The following KANSL1 variants were observed in gnomAD, a reference collection of about 807,000 sequenced individuals.
KANSL1 encodes KAT8 regulatory NSL complex subunit 1, also known as MLL1/MLL complex subunit KANSL1.
A neutral mutation model predicts 103.6 loss-of-function variants in KANSL1; 22 were observed. The observed-to-expected ratio is 0.21, with a 90% CI of 0.15 to 0.30. The LOEUF (loss-of-function observed/expected upper bound fraction) is 0.30. Among genes scored for constraint, KANSL1 ranks in the 10% least tolerant of loss-of-function variants. The probability of loss-of-function intolerance (pLI) is 1.00; values close to 1 mark genes in which losing one functional copy is unlikely to be tolerated. For synonymous variants in KANSL1, 600 were observed against 527.6 expected (o/e 1.14, Z -1.88); for missense variants, 1,337 against 1,399.8 (o/e 0.96, Z 0.72).
At chr17:46,184,615 T>C (rs1022058552) in intron 1 of KANSL1, among the ~76,000 whole-genome samples, 2 of 152,180 alleles carry the variant, frequency 1.3e-5, no homozygotes, top group East Asian at 1.9e-4. Flanking sequence ...CTGAAACATA[T>C]GTTTCCTGGC....
At chr17:46,184,277 AAC>A (rs1419940596) in intron 1 of KANSL1, among the ~76,000 whole-genome samples, 1 of 152,226 alleles carries the variant, frequency 6.6e-6, no homozygotes, top group Non-Finnish European at 1.5e-5. Context: ...GAGGGTTGGC[AAC>A]ACACAGAATG....
At chr17:46,077,291 G>A (rs897397753) in intron 4 of KANSL1, among the ~76,000 whole-genome samples, 5 of 152,168 alleles carry the variant, frequency 3.3e-5, no homozygotes, top group African/African-American at 1.2e-4. Context: ...AGGCTCAAGC[G>A]ACCCGCCCAC....
chr17:46,107,538 T>C (rs531648317), intron 2 of KANSL1, among the ~76,000 whole-genome samples: 34 of 152,354 alleles, frequency 2.2e-4, no homozygotes, highest in African/African-American at 8.2e-4. Context: ...TCTTTTTGAA[T>C]TCCTTGTAAG....
intron 1 of KANSL1, among the ~76,000 whole-genome samples, chr17:46,188,002 A>G (rs2047110716): frequency 6.6e-6 from 1 of 152,250 alleles, no homozygotes; most frequent in Non-Finnish European, 1.5e-5. Flanking sequence ...TTGGAGTCCA[A>G]GTATTTTGGT....
At chr17:46,090,351 T>C (rs1311441181) in intron 3 of KANSL1, among the ~76,000 whole-genome samples, 4 of 152,254 alleles carry the variant, frequency 2.6e-5, no homozygotes, top group East Asian at 1.9e-4. Context: ...CCATTTGTGA[T>C]AGTTTGTTAT....
chr17:46,197,547 G>A (rs2047653996), upstream of KANSL1, among the ~76,000 whole-genome samples: 1 of 152,230 alleles, frequency 6.6e-6, no homozygotes, highest in African/African-American at 2.4e-5. Flanking sequence ...GGAGGCTGAG[G>A]CATGAGAATC....
At chr17:46,068,161 A>G (rs1467195891) in intron 4 of KANSL1, among the ~76,000 whole-genome samples, 2 of 152,218 alleles carry the variant, frequency 1.3e-5, no homozygotes, top group Admixed American at 1.3e-4. Context: ...AGGATATACT[A>G]ACATCAGTAT....
Position 46,192,893 on chromosome 17 carries a change from C to G in KANSL1, c.-160G>C, listed in dbSNP as rs940671581. 7 of 152,524 alleles carry G rather than the reference C, an allele frequency of 4.6e-5. No individual in the cohort carries two copies. Among genetic ancestry groups the G allele is most frequent in the African/African-American group, 1.7e-4 (7 of 41,356 alleles). 9.4% of individuals were successfully genotyped at this position (152,524 alleles called of 1,614,324 possible). On this transcript the variant is annotated 5_prime_UTR_variant, in exon 1 of 15. Coordinates refer to ENST00000432791, the MANE Select transcript of KANSL1 (RefSeq NM_015443.4). Reference sequence around the variant, plus strand: ...TGGGCGCAGTTTGCAAACAGCCCCCCGGCCTGGGCGCCGAGGGCCAGCGGC... The same window carrying G: ...TGGGCGCAGTTTGCAAACAGCCCCCGGGCCTGGGCGCCGAGGGCCAGCGGC...
chr17:46,135,159 G>GA lies in KANSL1; in HGVS notation c.1289+35695dup, dbSNP rs67775973. Among the ~76,000 whole-genome samples, 478 of 146,220 alleles carry GA rather than the reference G, an allele frequency of 3.3e-3. 1 individual carries two copies. Among genetic ancestry groups the GA allele is most frequent in the African/African-American group, 0.011 (434 of 39,382 alleles). On this transcript the variant is annotated intron_variant, in intron 2 of 14. Coordinates refer to ENST00000432791, the MANE Select transcript of KANSL1 (RefSeq NM_015443.4). ...GAAGCACAGGGAGAAATAACTTGGG[G>GA]AAAAAAAAAAGCCTATCTTTTAGAA...
chr17:46,201,707 GAA>G (rs371243828), intron 1 of KANSL1, among the ~76,000 whole-genome samples: 1 of 137,164 alleles, frequency 7.3e-6, no homozygotes. Context: ...CCCTATCTCT[GAA>G]AAAAAAAAAA....
Position 46,038,538 on chromosome 17 carries a change from C to G in KANSL1, c.2541G>C (p.Ser847=). Residue 847 remains serine (S), a splice_region_variant and synonymous_variant, in exon 10 of 15, where the codon TCG becomes TCC. Transcript: ENST00000432791. ...CGGCCAACCCCACACAGGTACTTACCGATGTGCTGGCTGTAACCTGTGAGC... is the reference window on the plus strand; with the variant it reads ...CGGCCAACCCCACACAGGTACTTACGGATGTGCTGGCTGTAACCTGTGAGC... ...SSSSQVTAST[S]QQPVRRRRGE... The G allele has an allele frequency of 6.2e-7, 1 of 1,613,846 alleles. No homozygotes were observed. The highest frequency in any genetic ancestry group is 8.5e-7 in the Non-Finnish European group (1 of 1,179,868).
At chr17:46,158,058 C>CTT (rs1396487014) in intron 2 of KANSL1, among the ~76,000 whole-genome samples, 2 of 152,224 alleles carry the variant, frequency 1.3e-5, no homozygotes, top group Non-Finnish European at 2.9e-5. Context: ...GAGTAAAATT[C>CTT]TATGAAAGGC....
chr17:46,196,409 C>T (rs1220108500), upstream of KANSL1: 12 of 456,172 alleles, frequency 2.6e-5, no homozygotes, highest in Non-Finnish European at 5.3e-5. Context: ...TGGACAGCCT[C>T]CAAAAGAGAA....
intron 2 of KANSL1, among the ~76,000 whole-genome samples, chr17:46,164,740 T>A (rs967885367): frequency 2.6e-5 from 4 of 152,246 alleles, no homozygotes; most frequent in African/African-American, 9.6e-5. Context: ...TGAGAATAGT[T>A]TCATTCATGT....
At chr17:46,195,622 G>A (rs959725011), upstream of KANSL1, among the ~76,000 whole-genome samples, 46 of 152,196 alleles carry the variant, frequency 3.0e-4, no homozygotes, top group Non-Finnish European at 5.3e-4. Flanking sequence ...GAGTGCAGTG[G>A]TGCAATCAAA....
chr17:46,210,481 A>AG (rs2048123836), intron 1 of KANSL1, among the ~76,000 whole-genome samples: 1 of 498 alleles, frequency 2.0e-3, no homozygotes, highest in Non-Finnish European at 4.3e-3. Flanking sequence ...TCAAAAAAAA[A>AG]AAAAAAAAAA....
intron 1 of KANSL1, among the ~76,000 whole-genome samples, chr17:46,212,025 G>A (rs910684110): frequency 6.6e-6 from 1 of 152,220 alleles, no homozygotes; most frequent in South Asian, 2.1e-4. Flanking sequence ...ACCCCGGACA[G>A]ACAGACTCAA....
In KANSL1 at chr17:46,032,174, G is replaced by T; in HGVS notation, c.2963C>A (p.Ser988Tyr). ...TTCCGGGCTAATGGGGCTCCTAGGG[G>T]ACTGACCATGGGAGTATTCTGACAA... Reference protein sequence around the residue: ...HSLSEYSHGQSPRSPISPELH... With the variant: ...HSLSEYSHGQYPRSPISPELH... Residue 988 changes from serine (S) to tyrosine (Y), a missense_variant, in exon 14 of 15, where the codon TCC (serine) becomes TAC (tyrosine). Physicochemically the swap from Ser to Tyr is moderately radical, Grantham distance 144. Around this residue, in one of 2 missense-constraint regions of KANSL1, gnomAD observed 780 missense variants for 923.4 expected, o/e 0.84. Coordinates refer to ENST00000432791, the MANE Select transcript of KANSL1 (RefSeq NM_015443.4). 7 of 1,613,460 alleles carry T rather than the reference G, an allele frequency of 4.3e-6. No homozygotes were observed. The highest frequency in any genetic ancestry group is 5.9e-6 in the Non-Finnish European group (7 of 1,179,614).
chr17:46,211,467 G>C (rs1321687918), intron 1 of KANSL1, among the ~76,000 whole-genome samples: 32 of 152,238 alleles, frequency 2.1e-4, no homozygotes, highest in Non-Finnish European at 1.5e-5. Context: ...ATTCAAAGCT[G>C]TCCTGGGCCG....
Sources: gnomAD v4.1 joint callset for allele counts (sites outside exome capture counted in the v4.1 genomes callset) on GRCh38, gnomAD v4.1.1 for gene constraint, gnomAD v4.1.1 regional missense constraint, MANE v1.5 for transcripts, NCBI Gene and HGNC (gene_info 2026-07-23, HGNC 2026-07-21) for gene names.